EPHA5: variants seen among roughly 807,000 people sequenced by gnomAD.
EPHA5 encodes the protein EPH receptor A5, also known as ephrin type-A receptor 5.
A neutral mutation model predicts 105.0 loss-of-function variants in EPHA5; 60 were observed. The ratio of observed to expected loss-of-function variants is 0.57; its 90% confidence interval spans 0.46 to 0.71. The LOEUF is 0.71. EPHA5 is among the 30% of genes least tolerant of loss of function. The pLI, the probability that EPHA5 is intolerant of heterozygous loss-of-function variation, is 0.00. For missense variants in EPHA5, 1,218 were observed against 1,274.7 expected (o/e 0.96, Z 0.68); for synonymous variants, 513 against 449.1 (o/e 1.14, Z -1.80).
chr4:65,379,244 T>A (rs1163072263), intron 8 of EPHA5, among the ~76,000 whole-genome samples: 1 of 148,598 alleles, frequency 6.7e-6, no homozygotes, highest in Non-Finnish European at 1.5e-5. Flanking sequence ...AATTAAAAAA[T>A]AAGCTTTGTG....
At chr4:65,354,767 G>T (rs1227487063) in intron 11 of EPHA5, among the ~76,000 whole-genome samples, 4 of 151,520 alleles carry the variant, frequency 2.6e-5, no homozygotes, top group Admixed American at 6.6e-5. Flanking sequence ...ATATGAAAAA[G>T]AAATAACTGG....
intron 3 of EPHA5, among the ~76,000 whole-genome samples, chr4:65,596,560 G>A (rs1445912004): frequency 6.6e-6 from 1 of 152,026 alleles, no homozygotes; most frequent in Non-Finnish European, 1.5e-5. Context: ...TCTAAAAGTA[G>A]GCCAGGGAGC....
At chr4:65,332,261 G>T in intron 15 of EPHA5, 133 bp from the exon 16 acceptor site, 1 of 627,636 alleles carries the variant, frequency 1.6e-6, no homozygotes, top group Non-Finnish European at 2.5e-6. Context: ...ATATGCAAAT[G>T]CTAATATGGA....
At chr4:65,541,940 A>G (rs1578379667) in intron 3 of EPHA5, among the ~76,000 whole-genome samples, 1 of 152,016 alleles carries the variant, frequency 6.6e-6, no homozygotes, top group South Asian at 2.1e-4. Flanking sequence ...AAGAAACTCA[A>G]TCAAAACCAC....
intron 11 of EPHA5, among the ~76,000 whole-genome samples, chr4:65,359,210 A>T (rs553556038): frequency 6.6e-6 from 1 of 151,536 alleles, no homozygotes; most frequent in Admixed American, 6.6e-5. Flanking sequence ...GTGTACGTGT[A>T]TTTATTAAAA....
chr4:65,609,061 T>A (rs555687547), intron 2 of EPHA5, among the ~76,000 whole-genome samples: 5 of 152,156 alleles, frequency 3.3e-5, no homozygotes, highest in Non-Finnish European at 5.9e-5. Flanking sequence ...TTATTTTGGA[T>A]CAAGAAAAAA....
Position 65,574,707 on chromosome 4 carries a change from T to C in EPHA5, c.910+26934A>G, listed in dbSNP as rs7434774. On this transcript the variant is annotated intron_variant, in intron 3 of 16. Transcript: ENST00000613740. The stretch of plus-strand genomic sequence containing the variant: ...ATATATACATATATATACATATATA[T>C]ACATATATATATACATATATATACA... Among the ~76,000 whole-genome samples, 409 of 81,554 alleles carry C rather than the reference T, an allele frequency of 5.0e-3. 9 individuals are homozygous for C. Among genetic ancestry groups the C allele is most frequent in the African/African-American group, 0.017 (387 of 22,528 alleles). 53.5% of individuals were successfully genotyped at this position (81,554 alleles called of 152,430 possible).
intron 3 of EPHA5, among the ~76,000 whole-genome samples, chr4:65,500,849 T>C (rs760908970): frequency 6.6e-6 from 1 of 150,950 alleles, no homozygotes; most frequent in Non-Finnish European, 1.5e-5. Flanking sequence ...ATGCATACTA[T>C]ACATATAAAG....
chr4:65,337,700 T>C (rs1224148788), intron 14 of EPHA5, among the ~76,000 whole-genome samples: 4 of 152,190 alleles, frequency 2.6e-5, no homozygotes, highest in East Asian at 1.9e-4. Flanking sequence ...AATACCCAGA[T>C]GGCAATTTGC....
chr4:65,335,601 C>T (rs1721095141), intron 15 of EPHA5, among the ~76,000 whole-genome samples: 2 of 151,942 alleles, frequency 1.3e-5, no homozygotes, highest in African/African-American at 4.8e-5. Flanking sequence ...ATGTTATAAT[C>T]TTACATTCCT....
At chr4:65,464,033 A>T (rs1246574747) in intron 5 of EPHA5, among the ~76,000 whole-genome samples, 4 of 151,922 alleles carry the variant, frequency 2.6e-5, no homozygotes, top group Non-Finnish European at 4.4e-5. Flanking sequence ...TTAAGACTAC[A>T]ACAAGAGGAA....
chr4:65,649,174 A>G (rs1748378430), intron 1 of EPHA5, among the ~76,000 whole-genome samples: 3 of 152,224 alleles, frequency 2.0e-5, no homozygotes, highest in Admixed American at 6.5e-5. Context: ...AATGCTTACT[A>G]TATGTCAGGT....
At chr4:65,377,204 TC>T in intron 8 of EPHA5, 1 of 613,888 alleles carries the variant, frequency 1.6e-6, no homozygotes, top group Non-Finnish European at 2.6e-6. Context: ...TTAATTTTTT[TC>T]CACAGTGCCT....
rs190427169 is a variant in EPHA5, at chr4:65,595,447, A to G, written c.910+6194T>C. Reference sequence around the variant, plus strand: ...AAAACGTACATAGTTTTATTTACCCATTGGAAAAAATGTAGTATTATTCTT... The same window carrying G: ...AAAACGTACATAGTTTTATTTACCCGTTGGAAAAAATGTAGTATTATTCTT... On this transcript the variant is annotated intron_variant, in intron 3 of 16. Coordinates refer to ENST00000613740, the MANE Select transcript of EPHA5 (RefSeq NM_001281766.3). Among the ~76,000 whole-genome samples, 51 of 152,224 alleles carry G rather than the reference A, an allele frequency of 3.4e-4. 2 individuals carry two copies. Among genetic ancestry groups the G allele is most frequent in the African/African-American group, 1.2e-3 (49 of 41,548 alleles).
At chr4:65,645,754 G>C (rs1162017844) in intron 1 of EPHA5, among the ~76,000 whole-genome samples, 1 of 151,796 alleles carries the variant, frequency 6.6e-6, no homozygotes, top group Non-Finnish European at 1.5e-5. Context: ...AACTACATTA[G>C]GAATCTCTAT....
chr4:65,660,187 C>A (rs1749439268), intron 1 of EPHA5, among the ~76,000 whole-genome samples: 1 of 152,036 alleles, frequency 6.6e-6, no homozygotes, highest in African/African-American at 2.4e-5. Context: ...TAAAAAAATT[C>A]TGCCCTCTAC....
At chr4:65,394,073 C>A (rs1256141870) in intron 8 of EPHA5, among the ~76,000 whole-genome samples, 1 of 152,082 alleles carries the variant, frequency 6.6e-6, no homozygotes, top group Non-Finnish European at 1.5e-5. Flanking sequence ...CAGGAATGAC[C>A]ATGGAGTTGG....
chr4:65,660,425 C>A (rs1369333433), intron 1 of EPHA5, among the ~76,000 whole-genome samples: 1 of 152,038 alleles, frequency 6.6e-6, no homozygotes, highest in Non-Finnish European at 1.5e-5. Flanking sequence ...AGCCTAGATT[C>A]CTTTTAATCG....
intron 5 of EPHA5, among the ~76,000 whole-genome samples, chr4:65,446,014 T>C (rs1726486413): frequency 6.6e-6 from 1 of 152,162 alleles, no homozygotes; most frequent in South Asian, 2.1e-4. Context: ...CTAACTGGTG[T>C]TCTTTCTTCC....
Sources: allele counts gnomAD v4.1 joint callset (sites outside exome capture counted in the v4.1 genomes callset), GRCh38; gene constraint gnomAD v4.1.1; transcripts MANE v1.5; gene names NCBI Gene and HGNC (gene_info 2026-07-23, HGNC 2026-07-21).